Variants in STK32B observed in about 807,000 individuals in gnomAD.
STK32B encodes the protein serine/threonine-protein kinase 32B.
In STK32B, 43 loss-of-function variants were observed where a neutral mutation model predicts 52.6. The ratio of observed to expected loss-of-function variants is 0.82; its 90% CI spans 0.64 to 1.05. The LOEUF (loss-of-function observed/expected upper bound fraction) is 1.05, where lower values mean the gene tolerates loss of function less well. Ranked by LOEUF, STK32B falls within the 50% of genes least tolerant of loss-of-function variation. STK32B has a pLI of 0.00. For missense variants in STK32B, 621 were observed against 534.6 expected (o/e 1.16, Z -1.59); for synonymous variants, 238 against 204.3 (o/e 1.17, Z -1.41).
At chr4:5,138,288 A>G (rs1015907614) in intron 1 of STK32B, among the ~76,000 whole-genome samples, 1 of 152,104 alleles carries the variant, frequency 6.6e-6, no homozygotes, top group Admixed American at 6.5e-5. Flanking sequence ...CAGCATAATT[A>G]TCCTCCATTG....
At chr4:5,341,523 T>G (rs1363171019) in intron 4 of STK32B, among the ~76,000 whole-genome samples, 1 of 152,212 alleles carries the variant, frequency 6.6e-6, no homozygotes, top group Non-Finnish European at 1.5e-5. Context: ...GTCTACTTTC[T>G]TCCTGGCATG....
chr4:5,460,057 T>G lies in STK32B; in HGVS notation c.784-46T>G, dbSNP rs201961620. On this transcript the variant is annotated intron_variant, in intron 8 of 11. Transcript: ENST00000282908. This position sits in a 1 kb window ranked among gnomAD's most constrained non-coding sequence, Gnocchi z 4.8. ...CCTCCTTCAGAGTCCCCGCTAACCT[T>G]GAGGGATGCCCAATTCATGGAAACT... 3 of 1,614,080 alleles carry G rather than the reference T, an allele frequency of 1.9e-6. No homozygotes were observed. The highest frequency in any genetic ancestry group is 2.5e-6 in the Non-Finnish European group (3 of 1,179,990).
At chr4:5,093,412 G>A (rs963600912) in intron 1 of STK32B, among the ~76,000 whole-genome samples, 1 of 152,154 alleles carries the variant, frequency 6.6e-6, no homozygotes, top group African/African-American at 2.4e-5. Flanking sequence ...TGTTGCTATT[G>A]TGGTGAGCTC....
intron 3 of STK32B, among the ~76,000 whole-genome samples, chr4:5,229,041 C>G (rs1724063184): frequency 2.6e-5 from 4 of 152,174 alleles, no homozygotes; most frequent in Non-Finnish European, 5.9e-5. Flanking sequence ...TCTAAAATAA[C>G]AATATATATA....
At chr4:5,489,578 T>G (rs1270052575) in intron 11 of STK32B, among the ~76,000 whole-genome samples, 1 of 152,156 alleles carries the variant, frequency 6.6e-6, no homozygotes, top group East Asian at 1.9e-4. Context: ...TGAAGACATT[T>G]TAAATTTTAT....
At chr4:5,362,401 T>C (rs1354312) in intron 4 of STK32B, among the ~76,000 whole-genome samples, 21,455 of 152,210 alleles carry the variant, frequency 0.14, 2,131 homozygotes, top group African/African-American at 0.25. Context: ...TCTGCCTCAA[T>C]GCATCACCAT....
At chr4:5,274,722 CTT>C (rs926646404) in intron 3 of STK32B, among the ~76,000 whole-genome samples, 2 of 152,248 alleles carry the variant, frequency 1.3e-5, no homozygotes, top group Admixed American at 6.5e-5. Flanking sequence ...TGTTTTCACT[CTT>C]TTTCACTCTA....
At chr4:5,330,131 G>A (rs560624297) in intron 3 of STK32B, among the ~76,000 whole-genome samples, 126 of 152,212 alleles carry the variant, frequency 8.3e-4, no homozygotes, top group Admixed American at 2.4e-3. Flanking sequence ...CTTCCCTCTG[G>A]GCCTCAGTTT....
At chr4:5,274,695 C>CA (rs1727690595) in intron 3 of STK32B, among the ~76,000 whole-genome samples, 1 of 152,178 alleles carries the variant, frequency 6.6e-6, no homozygotes, top group South Asian at 2.1e-4. Context: ...GGGTCCCCTC[C>CA]CTTTTTTTGG....
chr4:5,090,138 A>C (rs1346200445), intron 1 of STK32B, among the ~76,000 whole-genome samples: 1 of 150,810 alleles, frequency 6.6e-6, no homozygotes, highest in African/African-American at 2.5e-5. Context: ...AGATTGCAAA[A>C]ATTTTCTTCC....
chr4:5,125,227 C>G (rs1433930558), intron 1 of STK32B, among the ~76,000 whole-genome samples: 1 of 152,142 alleles, frequency 6.6e-6, no homozygotes, highest in Non-Finnish European at 1.5e-5. Flanking sequence ...CTTCTGATAC[C>G]TTAAACAGAG....
At chr4:5,184,687 A>G in intron 3 of STK32B, among the ~76,000 whole-genome samples, 1 of 143,444 alleles carries the variant, frequency 7.0e-6, no homozygotes, top group Non-Finnish European at 1.5e-5. Context: ...ACTGTCTCAA[A>G]AAAAAAAAAA....
At chr4:5,485,206 C>A (rs1719050775) in intron 11 of STK32B, among the ~76,000 whole-genome samples, 1 of 152,056 alleles carries the variant, frequency 6.6e-6, no homozygotes, top group African/African-American at 2.4e-5. Context: ...TTCCATTCTC[C>A]CCGTCACTTT....
At chr4:5,283,327 G>C (rs200936126) in intron 3 of STK32B, among the ~76,000 whole-genome samples, 57 of 145,146 alleles carry the variant, frequency 3.9e-4, no homozygotes, top group African/African-American at 1.4e-3. Context: ...GAAAAAAAAA[G>C]AATCAAAAAG....
At chr4:5,075,266 G>A (rs1158450655) in intron 1 of STK32B, among the ~76,000 whole-genome samples, 2 of 152,148 alleles carry the variant, frequency 1.3e-5, no homozygotes, top group Non-Finnish European at 2.9e-5. Context: ...CAGCACAAAT[G>A]TGATCATTCT....
chr4:5,409,917 A>G lies in STK32B; in HGVS notation c.473-6928A>G, dbSNP rs113457100. On this transcript the variant is annotated intron_variant, in intron 5 of 11. Transcript: ENST00000282908. ...TCATTTTATTCTTTATCAGGCAAAG[A>G]CATGTGCTGAAAACATAGTCTTCCT... Among the ~76,000 whole-genome samples the G allele has an allele frequency of 1.3e-3, 203 of 152,308 alleles. 4 individuals are homozygous for G. The highest frequency in any genetic ancestry group is 4.4e-3 in the African/African-American group (184 of 41,546).
chr4:5,148,829 C>T (rs1717119895), intron 2 of STK32B, among the ~76,000 whole-genome samples: 1 of 151,692 alleles, frequency 6.6e-6, no homozygotes, highest in Admixed American at 6.6e-5. Context: ...TGTAAAATAT[C>T]CAACTATGAT....
intron 3 of STK32B, among the ~76,000 whole-genome samples, chr4:5,250,039 A>G (rs1283908141): frequency 6.6e-6 from 1 of 152,152 alleles, no homozygotes; most frequent in Non-Finnish European, 1.5e-5. Flanking sequence ...TAGTTTGCTT[A>G]GGGGAATGAC....
At chr4:5,406,173 T>C (rs368709905) in intron 5 of STK32B, among the ~76,000 whole-genome samples, 1 of 152,188 alleles carries the variant, frequency 6.6e-6, no homozygotes. Flanking sequence ...CATTAAATCT[T>C]AAAGCTCCAA....
Sources: allele counts gnomAD v4.1 joint callset (sites outside exome capture counted in the v4.1 genomes callset), GRCh38; gene constraint gnomAD v4.1.1; non-coding constraint Gnocchi (gnomAD v3.1); transcripts MANE v1.5; gene names NCBI Gene and HGNC (gene_info 2026-07-23, HGNC 2026-07-21).